ATL1: variants seen among roughly 807,000 people sequenced by gnomAD.
ATL1 encodes atlastin-1.
In ATL1, 31 loss-of-function variants were observed where a neutral mutation model predicts 75.5. That is an observed-to-expected ratio of 0.41 (90% CI 0.31 to 0.55). The LOEUF is 0.55. Among genes scored for constraint, ATL1 ranks in the 20% least tolerant of loss-of-function variants. The probability of loss-of-function intolerance (pLI) is 0.27; values close to 1 mark genes in which losing one functional copy is unlikely to be tolerated. For synonymous variants in ATL1, 226 were observed against 233.3 expected, an observed-to-expected ratio of 0.97 and a Z score of 0.28; for missense variants, 405 against 662.6, an observed-to-expected ratio of 0.61 and a Z score of 4.27.
chr14:50,594,689 C>T (rs947879036), intron 5 of ATL1, among the ~76,000 whole-genome samples: 5 of 152,220 alleles, frequency 3.3e-5, no homozygotes, highest in Admixed American at 6.5e-5. Flanking sequence ...TCTCCTCTTT[C>T]GAATTCATTT....
chr14:50,605,410 G>C (rs138542462), intron 6 of ATL1, among the ~76,000 whole-genome samples: 5 of 152,014 alleles, frequency 3.3e-5, no homozygotes, highest in African/African-American at 9.6e-5. Context: ...ATATACTAGA[G>C]ATTTCTAAAT....
rs113495247 is a variant in ATL1 at position 50,550,636 on chromosome 14, T to C, written c.-139-9491T>C. On this transcript the variant is annotated intron_variant, in intron 1 of 13. Transcript: ENST00000441560. The stretch of plus-strand genomic sequence containing the variant: ...CCAGTGCAATGGAGACTAAAAGATA[T>C]GTGCCCTTAGGCCACAAAACAAGTC... Among the ~76,000 whole-genome samples the C allele has an allele frequency of 9.0e-3, 1,372 of 152,324 alleles. 5 individuals are homozygous for C. Among genetic ancestry groups the C allele is most frequent in the Admixed American group, 0.014 (210 of 15,300 alleles).
chr14:50,549,251 AC>A (rs1273450875), intron 1 of ATL1, among the ~76,000 whole-genome samples: 2 of 152,212 alleles, frequency 1.3e-5, no homozygotes, highest in East Asian at 3.8e-4. Context: ...TGGTCATGGT[AC>A]AAATGGATAC....
chr14:50,598,347 ATTTTAT>A (rs2039240617), intron 6 of ATL1, among the ~76,000 whole-genome samples: 1 of 151,778 alleles, frequency 6.6e-6, no homozygotes, highest in Non-Finnish European at 1.5e-5. Context: ...GAGTCAGGTT[ATTTTAT>A]TTTTATTTTT....
chr14:50,616,307 T>C (rs1430850000), intron 8 of ATL1, among the ~76,000 whole-genome samples: 1 of 151,992 alleles, frequency 6.6e-6, no homozygotes, highest in Non-Finnish European at 1.5e-5. Flanking sequence ...GCAATTATTA[T>C]TTTTTTAGAG....
At chr14:50,541,003 T>A (rs1297507125) in intron 1 of ATL1, among the ~76,000 whole-genome samples, 1 of 152,252 alleles carries the variant, frequency 6.6e-6, no homozygotes, top group Admixed American at 6.5e-5. Context: ...ATGTTGATGC[T>A]AGTCATAGTT....
Position 50,632,489 on chromosome 14 carries a change from TCA to T in ATL1, c.*151_*152del. 1.6e-6 allele frequency: 1 copy of T among 609,906 alleles called. No individual in the cohort carries two copies. The highest frequency in any genetic ancestry group is 3.0e-6 in the Non-Finnish European group (1 of 332,310). 37.8% of individuals were successfully genotyped at this position (609,906 alleles called of 1,614,324 possible). On this transcript the variant is annotated 3_prime_UTR_variant, in exon 14 of 14. Coordinates refer to ENST00000358385, the MANE Select transcript of ATL1 (RefSeq NM_015915.5). ...TGCAAACTGGATTAGTTCTTTTACT[TCA>T]GTGTTTAATAAGCAGATGTATGTAT...
At chr14:50,601,514 C>A (rs934438091) in intron 6 of ATL1, among the ~76,000 whole-genome samples, 11 of 152,048 alleles carry the variant, frequency 7.2e-5, no homozygotes, top group Non-Finnish European at 1.3e-4. Context: ...AATACTTTTA[C>A]CATGGCCAAT....
At chr14:50,606,509 A>G (rs2039318238) in intron 6 of ATL1, among the ~76,000 whole-genome samples, 2 of 151,920 alleles carry the variant, frequency 1.3e-5, no homozygotes, top group Non-Finnish European at 2.9e-5. Context: ...TAATCTGACA[A>G]TTACTGATTT....
chr14:50,597,613 C>CAT (rs552824598), intron 6 of ATL1, among the ~76,000 whole-genome samples: 1,922 of 151,810 alleles, frequency 0.013, 42 homozygotes, highest in African/African-American at 0.038. Flanking sequence ...TGCTTAATAG[C>CAT]ATATATATAT....
intron 7 of ATL1, 113 bp downstream of exon 7, chr14:50,613,464 C>A: frequency 2.6e-6 from 2 of 775,586 alleles, no homozygotes; most frequent in Admixed American, 2.0e-5. Flanking sequence ...CATTTGTTAT[C>A]GATATTAATG....
rs139963878 is a variant in ATL1, at chr14:50,575,621, T to A, written c.35-12210T>A. Among the ~76,000 whole-genome samples, 876 of 152,308 alleles carry A rather than the reference T, an allele frequency of 5.8e-3. 8 individuals carry two copies. Among genetic ancestry groups the A allele is most frequent in the African/African-American group, 0.02 (813 of 41,588 alleles). On this transcript the variant is annotated intron_variant, in intron 1 of 13. Transcript: ENST00000358385. ...ACTGCTAGGAAGGGACATAAATAGT[T>A]TAAGAAAAAGTAACAGTTCTTTTTA...
intron 1 of ATL1, among the ~76,000 whole-genome samples, chr14:50,581,703 T>C (rs2039056651): frequency 6.6e-6 from 1 of 152,198 alleles, no homozygotes; most frequent in Admixed American, 6.5e-5. Context: ...CTGTAATTCT[T>C]TGAAGTTTAT....
intron 1 of ATL1, among the ~76,000 whole-genome samples, chr14:50,546,982 C>T (rs2038640921): frequency 6.6e-6 from 1 of 152,074 alleles, no homozygotes; most frequent in Non-Finnish European, 1.5e-5. Context: ...TGCTATCCCT[C>T]CCCTAGCCCC....
At position 50,628,431 on chromosome 14, in the gene ATL1, T is replaced by TA; in HGVS notation, c.1521dup (p.Asp508ArgfsTer15). On this transcript the variant is annotated frameshift_variant, in exon 12 of 14. Transcript: ENST00000358385. LOFTEE classifies it high-confidence loss of function. ...GAATACCGAGAGCTGGGAGCTGTAA[T>TA]AGACCAGGTGGCTGCAGCTCTGTGG... 6.2e-7 allele frequency: 1 copy of TA among 1,614,094 alleles called. No homozygotes were observed. The highest frequency in any genetic ancestry group is 8.5e-7 in the Non-Finnish European group (1 of 1,180,016).
intron 1 of ATL1, among the ~76,000 whole-genome samples, chr14:50,566,738 A>T (rs925368551): frequency 6.6e-6 from 1 of 152,012 alleles, no homozygotes; most frequent in African/African-American, 2.4e-5. Context: ...TGTCTTATAG[A>T]TCTCTTTTAC....
chr14:50,608,123 GT>G (rs1473860343), intron 6 of ATL1, among the ~76,000 whole-genome samples: 1 of 152,040 alleles, frequency 6.6e-6, no homozygotes, highest in Non-Finnish European at 1.5e-5. Context: ...TTAAAAAAGT[GT>G]TTGTGGCTTC....
intron 1 of ATL1, among the ~76,000 whole-genome samples, chr14:50,583,344 T>C (rs1566721482): frequency 6.6e-6 from 1 of 152,188 alleles, no homozygotes; most frequent in African/African-American, 2.4e-5. Flanking sequence ...CTACATAAAT[T>C]TTACAGGAAA....
intron 11 of ATL1, among the ~76,000 whole-genome samples, chr14:50,625,407 C>T (rs1046386673): frequency 3.3e-5 from 5 of 152,140 alleles, no homozygotes; most frequent in African/African-American, 1.2e-4. Context: ...AGAAGATCTA[C>T]CTGAGATCAT....
Sources: gnomAD v4.1 joint callset for allele counts (sites outside exome capture counted in the v4.1 genomes callset) on GRCh38, gnomAD v4.1.1 for gene constraint, MANE v1.5 for transcripts, NCBI Gene and HGNC (gene_info 2026-07-23, HGNC 2026-07-21) for gene names.